The following ABCG2 variants were observed in gnomAD, a reference collection of about 807,000 sequenced individuals.
ABCG2 encodes ATP binding cassette subfamily G member 2 (JR blood group).
In ABCG2, 80 loss-of-function variants were observed where a neutral mutation model predicts 73.5. The observed-to-expected ratio is 1.09, with a 90% CI of 0.91 to 1.31. The LOEUF is 1.31. Ranked by LOEUF, ABCG2 falls within the 50% of genes most tolerant of loss-of-function variation. ABCG2 has a pLI of 0.00. For missense variants in ABCG2, 796 were observed against 786.2 expected, an observed-to-expected ratio of 1.01 and a Z score of -0.15; for synonymous variants, 269 against 282.4, an observed-to-expected ratio of 0.95 and a Z score of 0.48.
chr4:88,176,157 G>GGT (rs1560738229), intron 1 of ABCG2, among the ~76,000 whole-genome samples: 33 of 150,806 alleles, frequency 2.2e-4, no homozygotes, highest in Middle Eastern at 3.5e-3. Flanking sequence ...GATTATTCTT[G>GGT]TTTTTTTTTT....
Position 88,131,852 on chromosome 4 carries a change from C to G in ABCG2, c.329G>C (p.Gly110Ala), listed in dbSNP as rs375251410. The G allele has an allele frequency of 6.2e-7, 1 of 1,613,848 alleles. No individual in the cohort carries two copies. ...SGLSGDVLIN[G>A]APRPANFKCN... ...TTTGAAATTGGCAGGTCGCGGTGCT[C>G]CATTTATCAGAACATCTCCAGATAA... Residue 110 changes from glycine to alanine, a missense_variant, in exon 4 of 16, where the codon GGA becomes GCA. By Grantham distance (60) the Gly-to-Ala change is moderately conservative (BLOSUM62 0). Transcript: ENST00000237612.
At chr4:88,176,156 TG>T (rs1288079976) in intron 1 of ABCG2, among the ~76,000 whole-genome samples, 7 of 150,842 alleles carry the variant, frequency 4.6e-5, no homozygotes, top group East Asian at 1.9e-4. Flanking sequence ...TGATTATTCT[TG>T]TTTTTTTTTT....
intron 1 of ABCG2, among the ~76,000 whole-genome samples, chr4:88,151,531 G>A (rs1726479130): frequency 6.6e-6 from 1 of 152,138 alleles, no homozygotes; most frequent in African/African-American, 2.4e-5. Flanking sequence ...GAGGTCAGGA[G>A]ATCAAGACCA....
intron 11 of ABCG2, among the ~76,000 whole-genome samples, chr4:88,099,828 G>C (rs753071859): frequency 6.6e-5 from 10 of 152,120 alleles, no homozygotes; most frequent in South Asian, 2.1e-4. Context: ...ATTTTGGCAG[G>C]AATAGAAGCT....
intron 1 of ABCG2, among the ~76,000 whole-genome samples, chr4:88,176,168 C>T (rs6821073): frequency 0.088 from 12,095 of 137,614 alleles, 1,710 homozygotes; most frequent in African/African-American, 0.3. Flanking sequence ...TTTTTTTTTT[C>T]TTTTTTTGTG....
At chr4:88,094,170 G>A (rs942185070) in intron 15 of ABCG2, among the ~76,000 whole-genome samples, 20 of 152,078 alleles carry the variant, frequency 1.3e-4, no homozygotes, top group African/African-American at 2.9e-4. Flanking sequence ...AGAAGTATCC[G>A]TGAGTTCAGG....
chr4:88,229,031 C>T (rs1730345298), intron 1 of ABCG2, among the ~76,000 whole-genome samples: 1 of 152,206 alleles, frequency 6.6e-6, no homozygotes, highest in Non-Finnish European at 1.5e-5. Context: ...AAAAGCTGGC[C>T]ACCCAAGCAA....
At chr4:88,101,129 T>C in intron 11 of ABCG2, 101 bp downstream of exon 11, 3 of 860,008 alleles carry the variant, frequency 3.5e-6, no homozygotes, top group Non-Finnish European at 1.9e-6. Flanking sequence ...GTACTGGTAA[T>C]CCTCCGGATC....
intron 5 of ABCG2, among the ~76,000 whole-genome samples, chr4:88,124,337 C>A (rs1724230235): frequency 6.6e-6 from 1 of 152,134 alleles, no homozygotes; most frequent in South Asian, 2.1e-4. Flanking sequence ...TGTAAATGGG[C>A]TAAATGCCCC....
chr4:88,187,604 C>G (rs1728518021), intron 1 of ABCG2, among the ~76,000 whole-genome samples: 1 of 152,108 alleles, frequency 6.6e-6, no homozygotes, highest in East Asian at 1.9e-4. Flanking sequence ...TAGAGCAAGA[C>G]TCCCTCTCAA....
At chr4:88,149,038 C>G (rs1375241440) in intron 1 of ABCG2, among the ~76,000 whole-genome samples, 2 of 152,050 alleles carry the variant, frequency 1.3e-5, no homozygotes. Flanking sequence ...GAATTCTGCT[C>G]GTCTGTACAA....
intron 1 of ABCG2, among the ~76,000 whole-genome samples, chr4:88,205,615 C>T (rs7672396): frequency 0.42 from 64,082 of 152,000 alleles, 14,821 homozygotes; most frequent in East Asian, 0.67. Context: ...TTTGAGGAAT[C>T]TGTCTCTCTC....
chr4:88,174,218 T>C (rs1578255916), intron 1 of ABCG2, among the ~76,000 whole-genome samples: 1 of 152,006 alleles, frequency 6.6e-6, no homozygotes, highest in Admixed American at 6.6e-5. Context: ...GTTTGTTACA[T>C]AGGTATACAC....
At chr4:88,191,243 G>T (rs1322627802) in intron 1 of ABCG2, among the ~76,000 whole-genome samples, 1 of 140,588 alleles carries the variant, frequency 7.1e-6, no homozygotes, top group Non-Finnish European at 1.5e-5. Context: ...GTGCACTCCA[G>T]CCTGGGCGAC....
At position 88,115,067 on chromosome 4, in the gene ABCG2, G is replaced by A. The variant is rs1205501643; in HGVS notation, c.842-9C>T. On this transcript the variant is annotated splice_polypyrimidine_tract_variant and intron_variant, in intron 7 of 15. Coordinates refer to ENST00000237612, the MANE Select transcript of ABCG2 (RefSeq NM_004827.3). ...GGCCTCACAGTGATAACCTATGAAA[G>A]AAGGCAGCTCAAAAACACAAACTTG... 3.1e-6 allele frequency: 5 copies of A among 1,590,942 alleles called. No homozygotes were observed. Among genetic ancestry groups the A allele is most frequent in the Non-Finnish European group, 4.3e-6 (5 of 1,161,662 alleles).
At chr4:88,201,295 A>G (rs1054050548) in intron 1 of ABCG2, among the ~76,000 whole-genome samples, 1 of 152,014 alleles carries the variant, frequency 6.6e-6, no homozygotes, top group African/African-American at 2.4e-5. Flanking sequence ...CCTGTCAGTA[A>G]AAGTTTTTTT....
At chr4:88,193,125 A>G (rs1289384316) in intron 1 of ABCG2, among the ~76,000 whole-genome samples, 2 of 152,286 alleles carry the variant, frequency 1.3e-5, no homozygotes, top group African/African-American at 4.8e-5. Context: ...CATATTTACC[A>G]TGCCTTCTCA....
chr4:88,225,023 A>C (rs1283649019), intron 1 of ABCG2, among the ~76,000 whole-genome samples: 1 of 152,152 alleles, frequency 6.6e-6, no homozygotes, highest in Non-Finnish European at 1.5e-5. Context: ...AGGGCTTTCT[A>C]TTCTATTCCA....
intron 10 of ABCG2, among the ~76,000 whole-genome samples, chr4:88,104,212 T>C (rs760994619): frequency 1.9e-4 from 29 of 152,196 alleles, no homozygotes; most frequent in Non-Finnish European, 2.9e-4. Flanking sequence ...CTACATATGA[T>C]TAAAACCCAG....
Sources: gnomAD v4.1 joint callset for allele counts (sites outside exome capture counted in the v4.1 genomes callset) on GRCh38, gnomAD v4.1.1 for gene constraint, MANE v1.5 for transcripts, NCBI Gene and HGNC (gene_info 2026-07-23, HGNC 2026-07-21) for gene names.